Variants in EVI5 observed in about 807,000 individuals in gnomAD.
EVI5 encodes the protein ecotropic viral integration site 5 protein homolog.
Under a neutral mutation model 112.0 loss-of-function variants are expected in EVI5, and 73 were observed. The observed-to-expected ratio is 0.65, with a 90% CI of 0.54 to 0.79. The LOEUF is 0.79. EVI5 is among the 30% of genes least tolerant of loss of function. The probability of loss-of-function intolerance (pLI) is 0.00; values close to 1 mark genes in which losing one functional copy is unlikely to be tolerated. For missense variants in EVI5, 900 were observed against 968.8 expected (o/e 0.93, Z 0.94); for synonymous variants, 305 against 319.9 (o/e 0.95, Z 0.50).
chr1:92,789,686 G>C (rs1354240438), upstream of EVI5, among the ~76,000 whole-genome samples: 4 of 152,130 alleles, frequency 2.6e-5, no homozygotes, highest in African/African-American at 9.7e-5. Context: ...GCATTGATTT[G>C]GGTCACTGTC....
chr1:92,766,252 T>TC (rs1483535060), intron 1 of EVI5, among the ~76,000 whole-genome samples: 3 of 151,712 alleles, frequency 2.0e-5, no homozygotes, highest in African/African-American at 4.8e-5. Context: ...CTAAGCCTAT[T>TC]CCCTAACCTC....
chr1:92,784,298 G>C (rs576564227), intron 1 of EVI5: 2 of 985,306 alleles, frequency 2.0e-6, no homozygotes, highest in Non-Finnish European at 2.4e-6. Flanking sequence ...CTAGTCATAA[G>C]GTGATTCAGG....
Position 92,706,948 on chromosome 1 carries a change from G to A in EVI5, c.150-2204C>T, listed in dbSNP as rs937028739. ...TGTAATCCCAGCACTTTGGGAGGCC[G>A]AGGCGGGCGGATGACCTGAGGTTGG... On this transcript the variant is annotated intron_variant, in intron 2 of 19. Transcript: ENST00000684568. 2.6e-5 allele frequency among the ~76,000 whole-genome samples: 4 copies of A among 152,050 alleles called. No homozygotes were observed. The South Asian group carries it at 6.2e-4, about 24-fold the overall frequency.
At chr1:92,695,953 T>C (rs914065) in intron 6 of EVI5, among the ~76,000 whole-genome samples, 138,783 of 150,644 alleles carry the variant, frequency 0.92, 64,018 homozygotes, top group East Asian at 0.97. Flanking sequence ...TTTTTTGAGA[T>C]GGGGTCTCAC....
At chr1:92,689,065 CAT>C (rs1669046557) in intron 9 of EVI5, among the ~76,000 whole-genome samples, 1 of 152,060 alleles carries the variant, frequency 6.6e-6, no homozygotes, top group Admixed American at 6.6e-5. Flanking sequence ...AGAAGAAAAA[CAT>C]GAGGCCAATA....
At chr1:92,643,295 T>C (rs1660336413) in intron 13 of EVI5, among the ~76,000 whole-genome samples, 1 of 19,946 alleles carries the variant, frequency 5.0e-5, no homozygotes, top group African/African-American at 1.6e-4. Flanking sequence ...TCAAATCTTT[T>C]TTTTTTTTTT....
At position 92,513,344 on chromosome 1, in the gene EVI5, G is replaced by C; in HGVS notation, c.*312C>G. The C allele has an allele frequency of 6.5e-6, 1 of 152,988 alleles. No homozygotes were observed. The highest frequency in any genetic ancestry group is 1.5e-5 in the Non-Finnish European group (1 of 68,782). The allele number at this position is 152,988 out of a possible 1,614,324, so 9.5% of individuals were successfully genotyped here. ...TTCCATAGTTTTGAACTTCAGAATG[G>C]TTCCCACATATAGATATAGTTGCAT... is the stretch of plus-strand genomic sequence containing the variant. On this transcript the variant is annotated 3_prime_UTR_variant, in exon 20 of 20. Transcript: ENST00000684568.
At chr1:92,559,904 C>T (rs1390885270) in intron 19 of EVI5, among the ~76,000 whole-genome samples, 3 of 151,818 alleles carry the variant, frequency 2.0e-5, no homozygotes, top group African/African-American at 7.3e-5. Flanking sequence ...TACTACATGC[C>T]ATCATTGTTC....
At chr1:92,648,968 A>G (rs530363367) in intron 13 of EVI5, among the ~76,000 whole-genome samples, 48 of 152,220 alleles carry the variant, frequency 3.2e-4, no homozygotes, top group Non-Finnish European at 6.2e-4. Flanking sequence ...CAGCAGCTTT[A>G]TATTTTATTT....
At chr1:92,616,752 G>A (rs529924286) in intron 16 of EVI5, among the ~76,000 whole-genome samples, 107 of 152,204 alleles carry the variant, frequency 7.0e-4, no homozygotes, top group Non-Finnish European at 1.1e-3. Flanking sequence ...ACTGGACTTT[G>A]GTGGAAACTG....
chr1:92,686,296 C>T (rs1305915359), intron 9 of EVI5, among the ~76,000 whole-genome samples: 3 of 152,120 alleles, frequency 2.0e-5, no homozygotes, highest in Non-Finnish European at 2.9e-5. Flanking sequence ...ACGACAAAAA[C>T]CACATGATTA....
At chr1:92,564,682 ATTTT>A (rs11313353) in intron 18 of EVI5, among the ~76,000 whole-genome samples, 2 of 126,302 alleles carry the variant, frequency 1.6e-5, no homozygotes, top group Admixed American at 8.1e-5. Flanking sequence ...TCAGATAAAG[ATTTT>A]TTTTTTTTTT....
intron 19 of EVI5, among the ~76,000 whole-genome samples, chr1:92,555,366 C>T (rs901704213): frequency 1.3e-5 from 2 of 152,156 alleles, no homozygotes; most frequent in African/African-American, 4.8e-5. Context: ...AGTTAAAATT[C>T]ACTCACCAGT....
intron 19 of EVI5, among the ~76,000 whole-genome samples, chr1:92,514,475 A>G (rs1231942159): frequency 3.3e-5 from 5 of 152,010 alleles, no homozygotes; most frequent in African/African-American, 4.8e-5. Context: ...CTTTAATTGA[A>G]TAATAACAAC....
chr1:92,629,732 T>C (rs1485368892), intron 14 of EVI5, among the ~76,000 whole-genome samples: 1 of 152,084 alleles, frequency 6.6e-6, no homozygotes, highest in Non-Finnish European at 1.5e-5. Context: ...TTGTTAAATA[T>C]ACATACATGT....
Position 92,513,531 on chromosome 1 carries a change from A to ATG in EVI5, c.*124_*125insCA, listed in dbSNP as rs1198483117. Reference sequence around the variant, plus strand: ...GTAAAATATATATATATATATATATATATATATATATATATATATATATAT... The same window carrying ATG: ...GTAAAATATATATATATATATATATATGTATATATATATATATATATATATAT... On this transcript the variant is annotated 3_prime_UTR_variant, in exon 20 of 20. Transcript: ENST00000684568. 1 of 30,494 alleles carries ATG rather than the reference A, an allele frequency of 3.3e-5. No homozygotes were observed. The highest frequency in any genetic ancestry group is 5.3e-5 in the Non-Finnish European group (1 of 18,970). The allele number at this position is 30,494 out of a possible 1,614,324, so 1.9% of individuals were successfully genotyped here. A position where few individuals can be genotyped will look rare whatever the true frequency, so the allele number is the denominator to read the frequency against.
intron 14 of EVI5, among the ~76,000 whole-genome samples, chr1:92,635,978 A>C (rs1300509603): frequency 6.6e-6 from 1 of 152,180 alleles, no homozygotes; most frequent in Non-Finnish European, 1.5e-5. Flanking sequence ...AAAGGGCTCT[A>C]ATCTCCATTT....
intron 16 of EVI5, among the ~76,000 whole-genome samples, chr1:92,614,196 G>C (rs1476266848): frequency 6.6e-6 from 1 of 152,046 alleles, no homozygotes; most frequent in Non-Finnish European, 1.5e-5. Context: ...CACTTTAAAG[G>C]CCTAGCAGAA....
intron 18 of EVI5, among the ~76,000 whole-genome samples, chr1:92,581,707 C>A (rs150260926): frequency 1.4e-5 from 2 of 142,268 alleles, no homozygotes; most frequent in South Asian, 4.3e-4. Context: ...AAAAAAAAAA[C>A]TATTTACTAT....
Sources: gnomAD v4.1 joint callset for allele counts (sites outside exome capture counted in the v4.1 genomes callset) on GRCh38, gnomAD v4.1.1 for gene constraint, MANE v1.5 for transcripts, NCBI Gene and HGNC (gene_info 2026-07-23, HGNC 2026-07-21) for gene names.